Variants in NID1 observed in about 807,000 individuals in gnomAD.
NID1 encodes the protein nidogen 1, also known as nidogen-1.
NID1 carries 76 observed loss-of-function variants against 130.6 expected under a neutral mutation model. The observed-to-expected ratio is 0.58, with a 90% CI of 0.48 to 0.70. The LOEUF (loss-of-function observed/expected upper bound fraction) is 0.70, where lower values mean the gene tolerates loss of function less well. Ranked by LOEUF, NID1 falls within the 30% of genes least tolerant of loss-of-function variation. The pLI, the probability that NID1 is intolerant of heterozygous loss-of-function variation, is 0.00. For missense variants in NID1, 1,517 were observed against 1,664.8 expected, an observed-to-expected ratio of 0.91 and a Z score of 1.54; for synonymous variants, 665 against 675.1, an observed-to-expected ratio of 0.98 and a Z score of 0.23.
chr1:236,053,137 T>A (rs112173890), intron 1 of NID1, among the ~76,000 whole-genome samples: 38 of 152,358 alleles, frequency 2.5e-4, no homozygotes, highest in African/African-American at 8.9e-4. Flanking sequence ...CATTATTCAC[T>A]GATTCATCAA....
intron 1 of NID1, chr1:236,064,621 C>T (rs757457795): frequency 3.1e-5 from 17 of 541,310 alleles, no homozygotes; most frequent in African/African-American, 1.4e-4. Context: ...GGGTCACGGC[C>T]CGGGGCGCGC....
At chr1:236,020,978 C>T (rs1658742035) in intron 9 of NID1, among the ~76,000 whole-genome samples, 1 of 152,218 alleles carries the variant, frequency 6.6e-6, no homozygotes, top group South Asian at 2.1e-4. Context: ...GAAGCACTCC[C>T]ACTGTGGCAA....
intron 15 of NID1, among the ~76,000 whole-genome samples, chr1:235,982,122 GC>G (rs1477598082): frequency 6.6e-6 from 1 of 152,200 alleles, no homozygotes. Flanking sequence ...AGGAACCCCA[GC>G]CTGGGGAGAA....
At chr1:236,063,025 G>A (rs529519878) in intron 1 of NID1, among the ~76,000 whole-genome samples, 2 of 151,548 alleles carry the variant, frequency 1.3e-5, no homozygotes, top group Admixed American at 6.6e-5. Flanking sequence ...ATGGTGGTGC[G>A]TGCCTATAGT....
At chr1:236,058,965 G>A (rs1659969973) in intron 1 of NID1, among the ~76,000 whole-genome samples, 1 of 152,184 alleles carries the variant, frequency 6.6e-6, no homozygotes, top group Admixed American at 6.5e-5. Context: ...AACATGGGCT[G>A]TCACCTAATG....
chr1:236,058,596 C>T (rs1360234536), intron 1 of NID1, among the ~76,000 whole-genome samples: 3 of 152,214 alleles, frequency 2.0e-5, no homozygotes, highest in Admixed American at 2.0e-4. Flanking sequence ...TTAACGTGAA[C>T]TTTCAGATAG....
At chr1:236,047,449 C>T (rs1659634606) in intron 2 of NID1, among the ~76,000 whole-genome samples, 1 of 152,164 alleles carries the variant, frequency 6.6e-6, no homozygotes, top group Non-Finnish European at 1.5e-5. Context: ...TAAAAAGTCA[C>T]TTCAGGTCTA....
intron 10 of NID1, among the ~76,000 whole-genome samples, chr1:236,013,827 G>A (rs1434180848): frequency 2.0e-5 from 3 of 152,110 alleles, no homozygotes; most frequent in African/African-American, 4.8e-5. Context: ...CACTCTGGGG[G>A]TCTGTCTCAG....
chr1:236,051,524 A>G (rs1659763682), intron 1 of NID1, among the ~76,000 whole-genome samples: 2 of 152,180 alleles, frequency 1.3e-5, no homozygotes, highest in South Asian at 2.1e-4. Flanking sequence ...GTTATGGGCT[A>G]TTAACTCTTT....
intron 15 of NID1, among the ~76,000 whole-genome samples, chr1:235,982,557 C>T (rs942078670): frequency 6.6e-6 from 1 of 152,240 alleles, no homozygotes; most frequent in African/African-American, 2.4e-5. Flanking sequence ...ACAAATAACA[C>T]CCCAGTCTTT....
intron 12 of NID1, among the ~76,000 whole-genome samples, chr1:236,003,159 CTGGTAGTTGT>C (rs1658133391): frequency 2.2e-5 from 2 of 92,844 alleles, no homozygotes; most frequent in Non-Finnish European, 3.8e-5. Context: ...TAGTGAACGA[CTGGTAGTTGT>C]CACTCCTAGT....
At chr1:236,017,620 G>A (rs532336198) in intron 9 of NID1, among the ~76,000 whole-genome samples, 31 of 152,220 alleles carry the variant, frequency 2.0e-4, no homozygotes, top group African/African-American at 6.7e-4. Context: ...TCCTGACCTC[G>A]TGATCCACCC....
intron 1 of NID1, chr1:236,060,744 C>T (rs1255697168): frequency 2.0e-5 from 3 of 150,066 alleles, no homozygotes; most frequent in Non-Finnish European, 4.4e-5. Flanking sequence ...GATATACAAA[C>T]CCCCCAGGCT....
At chr1:235,980,425 G>A in intron 17 of NID1, 71 bp downstream of exon 17, 1 of 1,522,178 alleles carries the variant, frequency 6.6e-7, no homozygotes, top group Non-Finnish European at 9.0e-7. Flanking sequence ...TTTGACCCCA[G>A]GGCCCTAGTT....
At chr1:235,986,844 C>T (rs575477795) in intron 14 of NID1, among the ~76,000 whole-genome samples, 78 of 152,320 alleles carry the variant, frequency 5.1e-4, no homozygotes, top group East Asian at 9.6e-4. Context: ...ACCTCCTTCA[C>T]GGCATCCCAT....
intron 1 of NID1, among the ~76,000 whole-genome samples, chr1:236,056,096 G>T (rs1257777211): frequency 6.6e-6 from 1 of 151,916 alleles, no homozygotes; most frequent in African/African-American, 2.4e-5. Context: ...TCCTGCAAAA[G>T]AATGAAAATG....
intron 12 of NID1, among the ~76,000 whole-genome samples, chr1:236,004,932 T>C (rs939847053): frequency 2.6e-5 from 4 of 151,724 alleles, no homozygotes; most frequent in African/African-American, 7.3e-5. Flanking sequence ...TCCCAACACT[T>C]TGGGAGGCTG....
chr1:235,980,136 G>A (rs556845801), intron 17 of NID1, among the ~76,000 whole-genome samples, 191 bp from the exon 18 acceptor site: 6 of 152,144 alleles, frequency 3.9e-5, no homozygotes, highest in Non-Finnish European at 7.3e-5. Flanking sequence ...CTGCTGGGGA[G>A]GCACGAGCCA....
Position 235,993,639 on chromosome 1 carries a change from A to T in NID1, c.2755+6T>A. 1.3e-6 allele frequency: 2 copies of T among 1,534,436 alleles called. No individual in the cohort carries two copies. The highest frequency in any genetic ancestry group is 1.8e-6 in the Non-Finnish European group (2 of 1,132,952). ...ACACGCCCAAGCACGGCCTGCACCC[A>T]CTTACACGGGGGCGTCATCCCGGGC... On this transcript the variant is annotated splice_donor_region_variant and intron_variant, in intron 13 of 19. Coordinates refer to ENST00000264187, the MANE Select transcript of NID1 (RefSeq NM_002508.3).
Sources: gnomAD v4.1 joint callset for allele counts (sites outside exome capture counted in the v4.1 genomes callset) on GRCh38, gnomAD v4.1.1 for gene constraint, MANE v1.5 for transcripts, NCBI Gene and HGNC (gene_info 2026-07-23, HGNC 2026-07-21) for gene names.